The following WDR43 variants were observed in gnomAD, a reference collection of about 807,000 sequenced individuals.
WDR43 encodes WD repeat domain 43.
WDR43 carries 13 observed loss-of-function variants against 91.4 expected under a neutral mutation model. The observed-to-expected ratio is 0.14, with a 90% CI of 0.09 to 0.23. The LOEUF (loss-of-function observed/expected upper bound fraction) is 0.23, where lower values mean the gene tolerates loss of function less well. WDR43 is among the 10% of genes least tolerant of loss of function. WDR43 has a pLI of 1.00. For synonymous variants in WDR43, 331 were observed against 287.9 expected (o/e 1.15, Z -1.51); for missense variants, 780 against 809.4 (o/e 0.96, Z 0.44).
chr2:28,910,541 T>C (rs867592522), intron 3 of WDR43, among the ~76,000 whole-genome samples: 1 of 151,968 alleles, frequency 6.6e-6, no homozygotes. Context: ...TGTCTGTTTT[T>C]ATTTTGAGCT....
intron 11 of WDR43, among the ~76,000 whole-genome samples, chr2:28,932,142 T>A (rs780331327): frequency 6.6e-6 from 1 of 152,054 alleles, no homozygotes; most frequent in Non-Finnish European, 1.5e-5. Context: ...CCTCACAAAG[T>A]GCTGGCATAG....
intron 4 of WDR43, chr2:28,913,743 G>A (rs1251301690): frequency 1.8e-6 from 1 of 541,764 alleles, no homozygotes; most frequent in African/African-American, 1.9e-5. Flanking sequence ...GGCTGTGTCT[G>A]AGCACCCAAA....
chr2:28,946,462 A>C lies in WDR43; in HGVS notation c.1817A>C (p.Glu606Ala), dbSNP rs773161922. The stretch of plus-strand genomic sequence containing the variant: ...TCTCCCCTTACAGAGTCTTCTGAAG[A>C]GGAGTCTGATGATGAAATAGCAGAT... ...KLVYEEESSE[E>A]ESDDEIADKD... The change falls in exon 17 of 18, where the codon GAG (glutamate) becomes GCG (alanine). Residue 606 changes from glutamate (E) to alanine (A), a missense_variant. This residue lies in a region of WDR43 where 426 missense variants were observed against 467.8 expected (regional missense o/e 0.91). Coordinates refer to ENST00000407426, the MANE Select transcript of WDR43 (RefSeq NM_015131.3). The C allele has an allele frequency of 6.2e-7, 1 of 1,611,888 alleles. No individual in the cohort carries two copies. Among genetic ancestry groups the C allele is most frequent in the Non-Finnish European group, 8.5e-7 (1 of 1,179,036 alleles).
intron 14 of WDR43, among the ~76,000 whole-genome samples, chr2:28,940,354 C>T (rs932586028): frequency 6.6e-5 from 10 of 152,002 alleles, no homozygotes; most frequent in Admixed American, 5.2e-4. Flanking sequence ...CTCAGCCTCC[C>T]GAGTAGCTGG....
chr2:28,895,243 C>T (rs1670454958), intron 1 of WDR43: 2 of 268,344 alleles, frequency 7.5e-6, no homozygotes, highest in South Asian at 1.6e-4. Flanking sequence ...CGGCTTCCTT[C>T]TGCCGGGCCT....
intron 6 of WDR43, among the ~76,000 whole-genome samples, chr2:28,922,487 AG>A (rs1269637376): frequency 6.6e-6 from 1 of 152,114 alleles, no homozygotes; most frequent in East Asian, 1.9e-4. Flanking sequence ...TCTAGGTGGT[AG>A]GGGCATCTCC....
chr2:28,919,035 A>G (rs1670970171), intron 6 of WDR43, among the ~76,000 whole-genome samples: 1 of 152,180 alleles, frequency 6.6e-6, no homozygotes, highest in East Asian at 1.9e-4. Context: ...GGTGTGGTGG[A>G]TAACTTGAGC....
chr2:28,894,907 C>T lies in WDR43; in HGVS notation c.209C>T (p.Ala70Val). The change falls in exon 1 of 18, where the codon GCG (alanine) becomes GTG (valine). Residue 70 changes from alanine to valine, a missense_variant. This residue lies in a region of WDR43 where 175 missense variants were observed against 113.8 expected (regional missense o/e 1.54). Coordinates refer to ENST00000407426, the MANE Select transcript of WDR43 (RefSeq NM_015131.3). ...TGCACCTGTCTGGCCTGGGCGCCAG[C>T]GCGGCTGCAGGCCAAGGTAAAGCGA... ...GTCTCLAWAP[A>V]RLQAKESPQR... is the part of the protein sequence containing the mutation. 1.9e-6 allele frequency: 3 copies of T among 1,594,394 alleles called. No homozygotes were observed. The highest frequency in any genetic ancestry group is 2.6e-6 in the Non-Finnish European group (3 of 1,171,154).
Position 28,946,905 on chromosome 2 carries a change from T to A in WDR43, c.*126T>A. ...TCCAAATTCACAGCAGTGGATCCCA[T>A]GCCACTTTGCTGTCCTGAGCACCCC... On this transcript the variant is annotated 3_prime_UTR_variant, in exon 18 of 18. Coordinates refer to ENST00000407426, the MANE Select transcript of WDR43 (RefSeq NM_015131.3). 1 of 1,116,530 alleles carries A rather than the reference T, an allele frequency of 9.0e-7. No homozygotes were observed. The highest frequency in any genetic ancestry group is 1.2e-6 in the Non-Finnish European group (1 of 808,322). The allele number at this position is 1,116,530 out of a possible 1,614,324, so 69.2% of individuals were successfully genotyped here.
At chr2:28,919,127 A>G (rs1277776329) in intron 6 of WDR43, among the ~76,000 whole-genome samples, 1 of 152,156 alleles carries the variant, frequency 6.6e-6, no homozygotes, top group Non-Finnish European at 1.5e-5. Flanking sequence ...GCATGGTGGC[A>G]TGCACTGGTG....
intron 16 of WDR43, among the ~76,000 whole-genome samples, chr2:28,942,619 C>CTT (rs11379144): frequency 0.02 from 2,743 of 139,510 alleles, 47 homozygotes; most frequent in African/African-American, 0.037. Flanking sequence ...TTTTTCTTTT[C>CTT]TTTTTTTTTT....
intron 13 of WDR43, 134 bp from the exon 14 acceptor site, chr2:28,937,797 T>G (rs1472636839): frequency 1.3e-6 from 1 of 786,042 alleles, no homozygotes; most frequent in Admixed American, 2.3e-5. Flanking sequence ...ATATACACAG[T>G]GATATATTTA....
Position 28,914,089 on chromosome 2 carries a change from G to T in WDR43, c.627G>T (p.Thr209=), listed in dbSNP as rs776952806. The change falls in exon 5 of 18, where the codon ACG becomes ACT. Residue 209 remains threonine (T), a synonymous_variant. Transcript: ENST00000407426. ...EVYRHFTGHA[T]PVSSLMFTTI... ...TCTAGCATTTCACAGGACATGCAAC[G>T]CCAGTTTCGTCACTGATGTTCACTA... The T allele has an allele frequency of 6.2e-7, 1 of 1,613,564 alleles. No homozygotes were observed. The highest frequency in any genetic ancestry group is 1.1e-5 in the South Asian group (1 of 91,018).
At position 28,913,943 on chromosome 2, in the gene WDR43, A is replaced by T. The variant is rs1008861185; in HGVS notation, c.607-126A>T. On this transcript the variant is annotated intron_variant, in intron 4 of 17. Transcript: ENST00000407426. Reference sequence around the variant, plus strand: ...TTATTTGCTTAGAATTGAATTGAACAGTTACTTCATCGTGGAGCTCTCCTT... The same window carrying T: ...TTATTTGCTTAGAATTGAATTGAACTGTTACTTCATCGTGGAGCTCTCCTT... 9.3e-6 allele frequency: 10 copies of T among 1,071,574 alleles called. No homozygotes were observed. In the Admixed American group the frequency reaches 1.6e-4, roughly 17 times the overall value. 66.4% of individuals were successfully genotyped at this position (1,071,574 alleles called of 1,614,324 possible).
intron 2 of WDR43, among the ~76,000 whole-genome samples, chr2:28,903,663 G>A (rs915414752): frequency 3.9e-5 from 6 of 152,108 alleles, no homozygotes; most frequent in Admixed American, 6.5e-5. Context: ...CCTCCAAGTC[G>A]AGTGTGGTCC....
rs1213238266 is a variant in WDR43, at chr2:28,941,457, C to T, written c.1621-4C>T. ...TAGTGCCAAATGATCATTTTTTTCT[C>T]TAGTTGCCTGACCTGGTACCCCAGC... is the stretch of plus-strand genomic sequence containing the variant. On this transcript the variant is annotated splice_region_variant and splice_polypyrimidine_tract_variant and intron_variant, in intron 14 of 17. Coordinates refer to ENST00000407426, the MANE Select transcript of WDR43 (RefSeq NM_015131.3). The T allele has an allele frequency of 1.2e-6, 2 of 1,606,456 alleles. No individual in the cohort carries two copies. The highest frequency in any genetic ancestry group is 1.7e-5 in the Admixed American group (1 of 58,634).
intron 9 of WDR43, chr2:28,926,977 C>T: frequency 6.1e-6 from 3 of 488,568 alleles, no homozygotes; most frequent in Non-Finnish European, 8.3e-6. Context: ...AGCATAGGAG[C>T]ATCATCATGG....
chr2:28,919,955 C>A (rs1572591768), intron 6 of WDR43, among the ~76,000 whole-genome samples: 1 of 151,782 alleles, frequency 6.6e-6, no homozygotes, highest in East Asian at 2.0e-4. Flanking sequence ...GTTCTCTTGC[C>A]TCAGCCTCCC....
At chr2:28,937,874 C>G in intron 13 of WDR43, 57 bp from the exon 14 acceptor site, 3 of 1,555,064 alleles carry the variant, frequency 1.9e-6, no homozygotes, top group Non-Finnish European at 2.6e-6. Flanking sequence ...TCTAACAGCT[C>G]AGTTGAATTT....
Sources: allele counts gnomAD v4.1 joint callset (sites outside exome capture counted in the v4.1 genomes callset), GRCh38; gene constraint gnomAD v4.1.1; regional missense constraint gnomAD v4.1.1; transcripts MANE v1.5; gene names NCBI Gene and HGNC (gene_info 2026-07-23, HGNC 2026-07-21).